The following SKIC2 variants were observed in gnomAD, a reference collection of about 807,000 sequenced individuals.
SKIC2 encodes superkiller complex protein 2.
the SKIC2 span, chr6:31,966,033 C>T: frequency 1.4e-5 from 20 of 1,475,350 alleles, no homozygotes; most frequent in Non-Finnish European, 1.8e-5. This position sits in a 1 kb window ranked among gnomAD's most constrained non-coding sequence, Gnocchi z 5.9. Context: ...CCAGCATGCT[C>T]GGCAGGGCCC....
chr6:31,961,406 G>A, the SKIC2 span: 5 of 1,534,876 alleles, frequency 3.3e-6, no homozygotes, highest in African/African-American at 1.4e-5. Flanking sequence ...TCTGTGTAGT[G>A]GAGGCAAGAA....
the SKIC2 span, chr6:31,963,333 G>A: frequency 7.5e-7 from 1 of 1,328,648 alleles, no homozygotes; most frequent in Non-Finnish European, 1.0e-6. The surrounding 1 kb of genome is among the most constrained non-coding windows in gnomAD (Gnocchi z 5.3). Flanking sequence ...GGGTAAAGTT[G>A]GAGGGGTAGG....
the SKIC2 span, among the ~76,000 whole-genome samples, chr6:31,964,859 C>G: frequency 6.6e-6 from 1 of 152,200 alleles, no homozygotes; most frequent in Non-Finnish European, 1.5e-5. This position sits in a 1 kb window ranked among gnomAD's most constrained non-coding sequence, Gnocchi z 5.0. Flanking sequence ...GTGGCTCACA[C>G]CTGTAATCCC....
At chr6:31,968,781 C>A in the SKIC2 span, 2 of 1,612,322 alleles carry the variant, frequency 1.2e-6, no homozygotes, top group South Asian at 1.1e-5. The surrounding 1 kb of genome is among the most constrained non-coding windows in gnomAD (Gnocchi z 6.1). Flanking sequence ...TTCCTGAGTA[C>A]CATCAGCGAG....
At chr6:31,961,978 G>A in the SKIC2 span, 10 of 1,612,844 alleles carry the variant, frequency 6.2e-6, no homozygotes, top group Non-Finnish European at 8.5e-6. Context: ...CTCTGTCTTT[G>A]TCGCAGCTCA....
the SKIC2 span, chr6:31,959,639 G>C: frequency 1.8e-6 from 1 of 555,406 alleles, no homozygotes; most frequent in Non-Finnish European, 3.2e-6. Context: ...GCATTTCTCC[G>C]TGGAGCTCCC....
chr6:31,961,898 C>T, the SKIC2 span: 5 of 1,612,620 alleles, frequency 3.1e-6, no homozygotes, highest in African/African-American at 1.3e-5. Flanking sequence ...GTCTATTTCT[C>T]TCTCCCATAG....
the SKIC2 span, chr6:31,968,850 T>C: frequency 6.2e-7 from 1 of 1,611,770 alleles, no homozygotes; most frequent in Non-Finnish European, 8.5e-7. This position sits in a 1 kb window ranked among gnomAD's most constrained non-coding sequence, Gnocchi z 6.1. Context: ...GTGTGTCCAA[T>C]GCCCACCCTT....
the SKIC2 span, chr6:31,963,143 G>T: frequency 7.9e-7 from 1 of 1,264,532 alleles, no homozygotes. This position sits in a 1 kb window ranked among gnomAD's most constrained non-coding sequence, Gnocchi z 5.3. Flanking sequence ...AGTACTCCTT[G>T]ATTCGGGTGG....
chr6:31,962,206 G>A, the SKIC2 span: 1 of 957,906 alleles, frequency 1.0e-6, no homozygotes, highest in Non-Finnish European at 1.6e-6. This position sits in a 1 kb window ranked among gnomAD's most constrained non-coding sequence, Gnocchi z 5.0. Context: ...AGAGAGAAAT[G>A]AAAAGACATG....
chr6:31,959,186 C>T, the SKIC2 span: 1 of 1,610,404 alleles, frequency 6.2e-7, no homozygotes, highest in East Asian at 2.2e-5. Flanking sequence ...GCTGCTGTGG[C>T]TCCAGGATGA....
At chr6:31,963,572 A>C in the SKIC2 span, 1 of 1,556,052 alleles carries the variant, frequency 6.4e-7, no homozygotes, top group East Asian at 2.3e-5. The surrounding 1 kb of genome is among the most constrained non-coding windows in gnomAD (Gnocchi z 5.3). Context: ...AAGCCTCGAG[A>C]TGGGGGAAAG....
At chr6:31,967,363 G>A in the SKIC2 span, 1 of 1,611,730 alleles carries the variant, frequency 6.2e-7, no homozygotes, top group African/African-American at 1.3e-5. This position sits in a 1 kb window ranked among gnomAD's most constrained non-coding sequence, Gnocchi z 4.9. Context: ...CAACGCATTG[G>A]GAGTGATCCT....
chr6:31,968,355 C>T, the SKIC2 span: 1 of 1,612,980 alleles, frequency 6.2e-7, no homozygotes, highest in African/African-American at 1.3e-5. This position sits in a 1 kb window ranked among gnomAD's most constrained non-coding sequence, Gnocchi z 6.1. Context: ...CAGCCGTGAC[C>T]ACTGCTGTCC....
the SKIC2 span, chr6:31,964,404 G>C: frequency 4.0e-6 from 5 of 1,264,040 alleles, no homozygotes; most frequent in Non-Finnish European, 5.7e-6. The surrounding 1 kb of genome is among the most constrained non-coding windows in gnomAD (Gnocchi z 5.0). Context: ...GGGCTGCCCA[G>C]AGGGCAGAGG....
chr6:31,969,518 T>C, the SKIC2 span: 1 of 1,613,190 alleles, frequency 6.2e-7, no homozygotes. The surrounding 1 kb of genome is among the most constrained non-coding windows in gnomAD (Gnocchi z 6.1). Context: ...CCCACAGCCC[T>C]TCTCCGAGTT....
At chr6:31,960,840 A>T in the SKIC2 span, 1 of 1,008,532 alleles carries the variant, frequency 9.9e-7, no homozygotes, top group Non-Finnish European at 1.5e-6. Flanking sequence ...TTAGAAAAAG[A>T]TATTCTGTCC....
At chr6:31,969,507 C>T in the SKIC2 span, 2 of 1,612,834 alleles carry the variant, frequency 1.2e-6, no homozygotes, top group Admixed American at 3.3e-5. The surrounding 1 kb of genome is among the most constrained non-coding windows in gnomAD (Gnocchi z 6.1). Flanking sequence ...ACCCTACTTT[C>T]CCCACAGCCC....
At chr6:31,969,366 G>A in the SKIC2 span, 3 of 1,614,230 alleles carry the variant, frequency 1.9e-6, no homozygotes. This position sits in a 1 kb window ranked among gnomAD's most constrained non-coding sequence, Gnocchi z 6.1. Context: ...AGGAATTTGT[G>A]GGGGAGCTGA....
Sources: allele counts gnomAD v4.1 joint callset (sites outside exome capture counted in the v4.1 genomes callset), GRCh38; gene constraint gnomAD v4.1.1; non-coding constraint Gnocchi (gnomAD v3.1); transcripts MANE v1.5; gene names NCBI Gene and HGNC (gene_info 2026-07-23, HGNC 2026-07-21).